MCF2L: variants seen among roughly 807,000 people sequenced by gnomAD.
MCF2L encodes the protein guanine nucleotide exchange factor DBS.
Under a neutral mutation model 153.4 loss-of-function variants are expected in MCF2L, and 97 were observed. That is an observed-to-expected ratio of 0.63 (90% CI 0.54 to 0.75). The LOEUF (loss-of-function observed/expected upper bound fraction) is 0.75. Ranked by LOEUF, MCF2L falls within the 30% of genes least tolerant of loss-of-function variation. The pLI, the probability that MCF2L is intolerant of heterozygous loss-of-function variation, is 0.00. For synonymous variants in MCF2L, 659 were observed against 632.2 expected, an observed-to-expected ratio of 1.04 and a Z score of -0.64; for missense variants, 1,347 against 1,495.2, an observed-to-expected ratio of 0.90 and a Z score of 1.64.
At position 113,085,267 on chromosome 13, in the gene MCF2L, C is replaced by T. The variant is rs951597001; in HGVS notation, c.2247+89C>T. Reference sequence around the variant, plus strand: ...CCTGGGGCCCCGTCCCCATCGCGCCCTGCCCCTCCCAGGCCAAGGGCACCT... The same window carrying T: ...CCTGGGGCCCCGTCCCCATCGCGCCTTGCCCCTCCCAGGCCAAGGGCACCT... On this transcript the variant is annotated intron_variant, in intron 20 of 29. Transcript: ENST00000535094. 18 of 1,113,060 alleles carry T rather than the reference C, an allele frequency of 1.6e-5. No homozygotes were observed. In the Admixed American group the frequency reaches 1.8e-4, roughly 11 times the overall value. 68.9% of individuals were successfully genotyped at this position (1,113,060 alleles called of 1,614,324 possible).
At chr13:112,969,192 C>T, upstream of MCF2L, 4 of 951,132 alleles carry the variant, frequency 4.2e-6, no homozygotes, top group Non-Finnish European at 5.3e-6. This position sits in a 1 kb window ranked among gnomAD's most constrained non-coding sequence, Gnocchi z 4.8. Context: ...CGCGGCGCAG[C>T]GCGCGCCCCC....
chr13:113,070,376 G>A lies in MCF2L; in HGVS notation c.996+203G>A, dbSNP rs545139831. On this transcript the variant is annotated intron_variant, in intron 9 of 29. Coordinates refer to ENST00000535094, the MANE Select transcript of MCF2L (RefSeq NM_001112732.3). The surrounding 1 kb of genome is among the most constrained non-coding windows in gnomAD (Gnocchi z 5.6). ...ATGCACGATTGATGACTGCGTCATTGTATAGAAAGGTGATTGAAAATCAGC... is the reference window on the plus strand; with the variant it reads ...ATGCACGATTGATGACTGCGTCATTATATAGAAAGGTGATTGAAAATCAGC... 1.0e-4 allele frequency: 41 copies of A among 407,058 alleles called. No individual in the cohort carries two copies. Among genetic ancestry groups the A allele is most frequent in the African/African-American group, 8.7e-4 (41 of 47,132 alleles). 25.2% of individuals were successfully genotyped at this position (407,058 alleles called of 1,614,324 possible).
chr13:113,069,963 G>A, intron 8 of MCF2L, 96 bp from the exon 9 acceptor site: 1 of 754,418 alleles, frequency 1.3e-6, no homozygotes, highest in East Asian at 3.0e-5. Flanking sequence ...GGCCCGGGGT[G>A]GAGATGAGCC....
chr13:113,058,245 G>C (rs768041627), intron 4 of MCF2L, among the ~76,000 whole-genome samples: 4 of 150,194 alleles, frequency 2.7e-5, no homozygotes, highest in Non-Finnish European at 5.9e-5. Flanking sequence ...TGGGTGCTGA[G>C]TGTGTGGGCG....
chr13:113,004,758 C>T (rs1445182537), intron 1 of MCF2L, among the ~76,000 whole-genome samples: 6 of 152,350 alleles, frequency 3.9e-5, no homozygotes, highest in South Asian at 2.1e-4. Flanking sequence ...CGCTGGCCCA[C>T]GTGTGTGGTG....
At position 113,065,023 on chromosome 13, in the gene MCF2L, A is replaced by G. The variant is rs780674022; in HGVS notation, c.694A>G (p.Asn232Asp). Residue 232 changes from asparagine (N) to aspartate (D), a missense_variant, in exon 7 of 30, where the codon AAT becomes GAT. Physicochemically the swap from Asn to Asp is conservative, Grantham distance 23. This residue lies in a region of MCF2L where 820 missense variants were observed against 921.2 expected (regional missense o/e 0.89). Transcript: ENST00000535094. ...GTELAETELPNDVQSTSSVLC... is the reference protein window; with the variant it reads ...GTELAETELPDDVQSTSSVLC... ...CGAGCTGGCTGAAACAGAGCTGCCCAATGACGTCCAGTCGACAAGCTCAGT... is the reference window on the plus strand; with the variant it reads ...CGAGCTGGCTGAAACAGAGCTGCCCGATGACGTCCAGTCGACAAGCTCAGT... The G allele has an allele frequency of 1.2e-6, 2 of 1,612,680 alleles. No homozygotes were observed. The highest frequency in any genetic ancestry group is 1.7e-6 in the Non-Finnish European group (2 of 1,179,964).
intron 1 of MCF2L, among the ~76,000 whole-genome samples, chr13:112,996,758 C>A (rs1430477108): frequency 1.3e-5 from 2 of 152,196 alleles, no homozygotes; most frequent in Non-Finnish European, 2.9e-5. Context: ...TGGGTGGAGA[C>A]CTGGTGCCGC....
chr13:113,029,930 T>G (rs1264362686), intron 3 of MCF2L, among the ~76,000 whole-genome samples: 1 of 152,216 alleles, frequency 6.6e-6, no homozygotes, highest in Non-Finnish European at 1.5e-5. Context: ...TTTTAAGGGG[T>G]TTCAACTGTT....
At chr13:112,919,468 G>T (rs969794484) in intron 2 of MCF2L, among the ~76,000 whole-genome samples, 1 of 151,996 alleles carries the variant, frequency 6.6e-6, no homozygotes, top group Admixed American at 6.5e-5. Context: ...GCCTCCCAAA[G>T]TGCTGGGATT....
At chr13:113,026,568 G>A (rs145071104) in intron 3 of MCF2L, among the ~76,000 whole-genome samples, 1,524 of 152,324 alleles carry the variant, frequency 0.01, 19 homozygotes, top group Admixed American at 0.017. Context: ...GCGCATGCCT[G>A]TTCGATCAGC....
At chr13:112,958,264 G>C (rs2081782360) in intron 2 of MCF2L, 1 of 152,264 alleles carries the variant, frequency 6.6e-6, no homozygotes, top group Admixed American at 6.5e-5. Context: ...TTATGTAATT[G>C]TGCGGCTGGC....
chr13:113,010,315 G>C (rs935208707), intron 1 of MCF2L: 1 of 152,198 alleles, frequency 6.6e-6, no homozygotes, highest in East Asian at 1.9e-4. Flanking sequence ...AAGCTTTTGA[G>C]TCAACTTGCA....
chr13:113,066,678 TC>T (rs2032413085), intron 8 of MCF2L, among the ~76,000 whole-genome samples: 1 of 151,948 alleles, frequency 6.6e-6, no homozygotes, highest in South Asian at 2.1e-4. Flanking sequence ...TGTCCAGAAC[TC>T]CCTGAGCATC....
At chr13:112,978,379 C>T (rs536153899) in intron 1 of MCF2L, among the ~76,000 whole-genome samples, 9 of 152,322 alleles carry the variant, frequency 5.9e-5, no homozygotes, top group Admixed American at 3.3e-4. Context: ...GTGTGGAAGG[C>T]AGGAGGGGGA....
At chr13:112,929,888 C>T (rs1249771216) in intron 2 of MCF2L, among the ~76,000 whole-genome samples, 1 of 152,214 alleles carries the variant, frequency 6.6e-6, no homozygotes, top group East Asian at 1.9e-4. Context: ...CCCAGATGAC[C>T]CCTGTTTTGT....
chr13:112,923,303 A>AC (rs2081371656), intron 2 of MCF2L, among the ~76,000 whole-genome samples: 1 of 115,376 alleles, frequency 8.7e-6, no homozygotes. Flanking sequence ...TTGCTCTGTC[A>AC]CCCAGGCTGG....
chr13:112,975,990 G>A (rs746688475), intron 1 of MCF2L, among the ~76,000 whole-genome samples: 45 of 152,248 alleles, frequency 3.0e-4, no homozygotes, highest in Admixed American at 5.9e-4. Context: ...CAGGAGATGC[G>A]CAGTGCTGGG....
intron 1 of MCF2L, among the ~76,000 whole-genome samples, chr13:113,010,607 G>A (rs2084027459): frequency 6.6e-6 from 1 of 152,042 alleles, no homozygotes; most frequent in Admixed American, 6.5e-5. Flanking sequence ...GGCAGGCCTG[G>A]CCACCCCCTC....
chr13:113,005,658 G>A (rs77455364), intron 1 of MCF2L, among the ~76,000 whole-genome samples: 5,884 of 152,160 alleles, frequency 0.039, 320 homozygotes, highest in African/African-American at 0.12. Context: ...CAAGGTGGCC[G>A]TGGCCTGTTT....
Sources: gnomAD v4.1 joint callset for allele counts (sites outside exome capture counted in the v4.1 genomes callset) on GRCh38, gnomAD v4.1.1 for gene constraint, gnomAD v4.1.1 regional missense constraint, Gnocchi (gnomAD v3.1) non-coding constraint, MANE v1.5 for transcripts, NCBI Gene and HGNC (gene_info 2026-07-23, HGNC 2026-07-21) for gene names.